The following IL22RA1 variants were observed in gnomAD, a reference collection of about 807,000 sequenced individuals.
IL22RA1 encodes the protein interleukin-22 receptor subunit alpha-1.
A neutral mutation model predicts 32.8 loss-of-function variants in IL22RA1; 25 were observed. The observed-to-expected ratio is 0.76, with a 90% CI of 0.55 to 1.06. The LOEUF is 1.06. IL22RA1 is among the 50% of genes least tolerant of loss of function. The pLI, the probability that IL22RA1 is intolerant of heterozygous loss-of-function variation, is 0.00. For missense variants in IL22RA1, 709 were observed against 727.4 expected, an observed-to-expected ratio of 0.97 and a Z score of 0.29; for synonymous variants, 305 against 305.0, an observed-to-expected ratio of 1.00 and a Z score of 0.00.
intron 3 of IL22RA1, among the ~76,000 whole-genome samples, chr1:24,136,737 C>G (rs1048804154): frequency 6.6e-6 from 1 of 152,042 alleles, no homozygotes; most frequent in Non-Finnish European, 1.5e-5. Context: ...AGAAGCTGCC[C>G]GAGGGTTTTA....
In IL22RA1 at chr1:24,120,664, G is replaced by T. The variant is rs1297186666; in HGVS notation, c.*141C>A. 3.9e-6 allele frequency: 3 copies of T among 774,448 alleles called. No individual in the cohort carries two copies. Among genetic ancestry groups the T allele is most frequent in the Non-Finnish European group, 4.1e-6 (2 of 482,022 alleles). The allele number at this position is 774,448 out of a possible 1,614,324, so 48.0% of individuals were successfully genotyped here. On this transcript the variant is annotated 3_prime_UTR_variant, in exon 7 of 7. Coordinates refer to ENST00000270800, the MANE Select transcript of IL22RA1 (RefSeq NM_021258.4). ...CGCACCCATGGCAGGGGCCCTGCAT[G>T]CCACTCCCTCTGCTTCTCTCAAGGG...
chr1:24,136,480 G>A (rs1007825486), intron 3 of IL22RA1, among the ~76,000 whole-genome samples: 1 of 150,416 alleles, frequency 6.6e-6, no homozygotes, highest in Non-Finnish European at 1.5e-5. Flanking sequence ...CAGGTCATCA[G>A]GGCTGGAGGT....
chr1:24,138,744 G>A, intron 1 of IL22RA1, 30 bp from the exon 2 acceptor site: 5 of 1,609,880 alleles, frequency 3.1e-6, no homozygotes, highest in Non-Finnish European at 4.2e-6. Context: ...GGGTGAGCAG[G>A]GGCTTTCCCA....
At chr1:24,123,806 A>G (rs1644143379) in intron 5 of IL22RA1, among the ~76,000 whole-genome samples, 1 of 151,188 alleles carries the variant, frequency 6.6e-6, no homozygotes, top group Non-Finnish European at 1.5e-5. Context: ...AGCCCAGCCC[A>G]GTTCCATCCC....
Position 24,138,775 on chromosome 1 carries a change from G to A in IL22RA1, c.44-61C>T, listed in dbSNP as rs904497898. The stretch of plus-strand genomic sequence containing the variant: ...TCCCAGGGTCACCCTGCCCATGTAT[G>A]GGCTCAGTCAGAGTCCTGCCCCATA... On this transcript the variant is annotated intron_variant, in intron 1 of 6. Coordinates refer to ENST00000270800, the MANE Select transcript of IL22RA1 (RefSeq NM_021258.4). The A allele has an allele frequency of 3.2e-6, 5 of 1,583,686 alleles. No individual in the cohort carries two copies. The African/African-American group carries it at 6.7e-5, about 21-fold the overall frequency.
intron 1 of IL22RA1, among the ~76,000 whole-genome samples, chr1:24,141,259 T>C (rs1289564727): frequency 6.6e-6 from 1 of 152,128 alleles, no homozygotes. Context: ...TTGGGGTCAG[T>C]TCTGGAGGGA....
intron 1 of IL22RA1, among the ~76,000 whole-genome samples, chr1:24,141,525 C>T (rs1204394639): frequency 6.6e-6 from 1 of 152,108 alleles, no homozygotes; most frequent in Admixed American, 6.5e-5. Flanking sequence ...GGGCATGTTG[C>T]CAAGGCAAAG....
Position 24,120,790 on chromosome 1 carries a change from C to A in IL22RA1, c.*15G>T. 1.3e-6 allele frequency: 2 copies of A among 1,573,644 alleles called. No homozygotes were observed. The highest frequency in any genetic ancestry group is 1.2e-5 in the South Asian group (1 of 84,718). ...GTAGGGACAGGGAGGAAGCACCAAGCCTTTCCCATTCCCCTCAGGACTCCC... is the reference window on the plus strand; with the variant it reads ...GTAGGGACAGGGAGGAAGCACCAAGACTTTCCCATTCCCCTCAGGACTCCC... On this transcript the variant is annotated 3_prime_UTR_variant, in exon 7 of 7. Coordinates refer to ENST00000270800, the MANE Select transcript of IL22RA1 (RefSeq NM_021258.4).
rs1644117854 is a variant in IL22RA1 at position 24,121,204 on chromosome 1, T to C, written c.1326A>G (p.Leu442=). The C allele has an allele frequency of 1.2e-6, 2 of 1,614,118 alleles. No homozygotes were observed. Among genetic ancestry groups the C allele is most frequent in the African/African-American group, 2.7e-5 (2 of 74,940 alleles). The change falls in exon 7 of 7, where the codon TTA becomes TTG. Residue 442 remains leucine (L), a synonymous_variant. Coordinates refer to ENST00000270800, the MANE Select transcript of IL22RA1 (RefSeq NM_021258.4). ...QKEPPAGSCM[L]GGLSLQEVTS... is the part of the protein sequence containing the mutation. ...TCACCTCCTGCAGAGAAAGGCCACC[T>C]AACATGCAGCTTCCAGCTGGTGGCT...
At chr1:24,142,765 C>T (rs570734770) in intron 1 of IL22RA1, among the ~76,000 whole-genome samples, 1 of 152,318 alleles carries the variant, frequency 6.6e-6, no homozygotes, top group East Asian at 1.9e-4. Context: ...GTGCAGCGAT[C>T]CAGCACCCCC....
Position 24,125,500 on chromosome 1 carries a change from A to G in IL22RA1, c.671-2077T>C, listed in dbSNP as rs941613554. On this transcript the variant is annotated intron_variant, in intron 5 of 6. Coordinates refer to ENST00000270800, the MANE Select transcript of IL22RA1 (RefSeq NM_021258.4). The stretch of plus-strand genomic sequence containing the variant: ...GTAGGTAAAGGGGATTCTGAGGGTA[A>G]TGCAGACGTCAGGATACACAGTCAA... Among the ~76,000 whole-genome samples, 11 of 148,116 alleles carry G rather than the reference A, an allele frequency of 7.4e-5. No individual in the cohort carries two copies. In the East Asian group the frequency reaches 2.1e-3, roughly 29 times the overall value.
rs764083402 is a variant in IL22RA1, at chr1:24,121,037, A to C, written c.1493T>G (p.Leu498Arg). 3 of 1,614,076 alleles carry C rather than the reference A, an allele frequency of 1.9e-6. No homozygotes were observed. The highest frequency in any genetic ancestry group is 1.3e-5 in the African/African-American group (1 of 75,002). The change falls in exon 7 of 7, where the codon CTC becomes CGC. Residue 498 changes from leucine to arginine, a missense_variant. Transcript: ENST00000270800. ...GCCCTCGATCTGGACTGAGGAGAGG[A>C]GGGGGAGCTGGCCCTTTAGGTACTG... is the stretch of plus-strand genomic sequence containing the variant. ...TPQYLKGQLP[L>R]LSSVQIEGHP...
At chr1:24,130,375 T>C (rs970571408) in intron 4 of IL22RA1, among the ~76,000 whole-genome samples, 2 of 152,004 alleles carry the variant, frequency 1.3e-5, no homozygotes, top group African/African-American at 4.8e-5. Flanking sequence ...AGGCCCAAAC[T>C]CTGTATATAA....
intron 4 of IL22RA1, among the ~76,000 whole-genome samples, chr1:24,132,447 T>C (rs1482342192): frequency 6.7e-6 from 1 of 150,214 alleles, no homozygotes; most frequent in Non-Finnish European, 1.5e-5. Context: ...TTCTTCTACC[T>C]CAGCCTCCTG....
intron 6 of IL22RA1, among the ~76,000 whole-genome samples, chr1:24,122,972 C>T (rs532288835): frequency 3.2e-4 from 49 of 152,278 alleles, no homozygotes; most frequent in African/African-American, 9.6e-4. Context: ...ATGAGTGCCA[C>T]GGCTCTCCTG....
intron 2 of IL22RA1, among the ~76,000 whole-genome samples, chr1:24,138,266 C>T (rs1644256728): frequency 1.3e-5 from 2 of 152,222 alleles, no homozygotes; most frequent in East Asian, 3.9e-4. Flanking sequence ...CACCCAACAA[C>T]CCTGTGATGA....
rs1335033166 is a variant in IL22RA1 at position 24,130,861 on chromosome 1, T to C, written c.532-2582A>G. Among the ~76,000 whole-genome samples the C allele has an allele frequency of 5.9e-5, 9 of 152,258 alleles. 4 individuals carry two copies. The highest frequency in any genetic ancestry group is 5.9e-4 in the Admixed American group (9 of 15,294). On this transcript the variant is annotated intron_variant, in intron 4 of 6. Transcript: ENST00000270800. ...CTGGGATTACAGGCACCTGCCACCA[T>C]GCCCAGCTGATTTTTGTATTTTTAG...
intron 3 of IL22RA1, 111 bp from the exon 4 acceptor site, chr1:24,134,497 G>T: frequency 1.4e-6 from 1 of 735,064 alleles, no homozygotes. Context: ...TTCCACTCCA[G>T]TGCCAGCTAT....
At chr1:24,126,713 AT>A (rs1644163983) in intron 5 of IL22RA1, among the ~76,000 whole-genome samples, 1 of 152,214 alleles carries the variant, frequency 6.6e-6, no homozygotes, top group Non-Finnish European at 1.5e-5. Context: ...AATCTATCAC[AT>A]CCACTGCCGT....
Sources: gnomAD v4.1 joint callset for allele counts (sites outside exome capture counted in the v4.1 genomes callset) on GRCh38, gnomAD v4.1.1 for gene constraint, MANE v1.5 for transcripts, NCBI Gene and HGNC (gene_info 2026-07-23, HGNC 2026-07-21) for gene names.